MYRIP: variants seen among roughly 807,000 people sequenced by gnomAD.
The protein encoded by MYRIP is rab effector MyRIP.
In MYRIP, 49 loss-of-function variants were observed where a neutral mutation model predicts 98.0. The observed-to-expected ratio is 0.50, with a 90% CI of 0.40 to 0.63. The LOEUF is 0.63. MYRIP is among the 30% of genes least tolerant of loss of function. The pLI, the probability that MYRIP is intolerant of heterozygous loss-of-function variation, is 0.00. For synonymous variants in MYRIP, 404 were observed against 409.5 expected (o/e 0.99, Z 0.16); for missense variants, 1,004 against 1,058.2 (o/e 0.95, Z 0.71).
intron 3 of MYRIP, among the ~76,000 whole-genome samples, chr3:40,086,573 G>A (rs1389571834): frequency 6.6e-6 from 1 of 152,098 alleles, no homozygotes; most frequent in African/African-American, 2.4e-5. Flanking sequence ...GGCTTTCCTG[G>A]CTGCTTAGAC....
chr3:40,006,443 T>G (rs1946637213), intron 2 of MYRIP, among the ~76,000 whole-genome samples: 1 of 152,090 alleles, frequency 6.6e-6, no homozygotes, highest in African/African-American at 2.4e-5. Context: ...AGTGTTGAAT[T>G]AGAGGAGTGA....
At chr3:40,231,117 G>A (rs1404098351) in intron 11 of MYRIP, among the ~76,000 whole-genome samples, 2 of 152,158 alleles carry the variant, frequency 1.3e-5, no homozygotes, top group Non-Finnish European at 1.5e-5. Flanking sequence ...GAGCCACCAC[G>A]CCCAGCCCGT....
intron 1 of MYRIP, among the ~76,000 whole-genome samples, chr3:39,882,436 G>A (rs1215130390): frequency 6.6e-6 from 1 of 152,056 alleles, no homozygotes; most frequent in Non-Finnish European, 1.5e-5. Flanking sequence ...TCAAAATAGA[G>A]ATTTAGAACC....
At chr3:39,871,295 A>T (rs1397310277) in intron 1 of MYRIP, among the ~76,000 whole-genome samples, 1 of 152,234 alleles carries the variant, frequency 6.6e-6, no homozygotes, top group Non-Finnish European at 1.5e-5. Context: ...GCAATTTGGA[A>T]TGCCAGTCAC....
intron 2 of MYRIP, among the ~76,000 whole-genome samples, chr3:39,989,817 G>A (rs1946127930): frequency 6.6e-6 from 1 of 152,254 alleles, no homozygotes; most frequent in Admixed American, 6.5e-5. Flanking sequence ...GTGTTGGACT[G>A]TGGGGGATAC....
Position 40,256,619 on chromosome 3 carries a change from T to A in MYRIP, c.2548-1515T>A, listed in dbSNP as rs375521016. Reference sequence around the variant, plus strand: ...TCAATTTTTTATATATACAATGTGATGTAAAACTATTCTGATAAATTTAGA... The same window carrying A: ...TCAATTTTTTATATATACAATGTGAAGTAAAACTATTCTGATAAATTTAGA... On this transcript the variant is annotated intron_variant, in intron 16 of 16. Transcript: ENST00000302541. Among the ~76,000 whole-genome samples, 27 of 152,020 alleles carry A rather than the reference T, an allele frequency of 1.8e-4. No individual in the cohort carries two copies. In the East Asian group the frequency reaches 2.5e-3, roughly 14 times the overall value.
intron 2 of MYRIP, among the ~76,000 whole-genome samples, chr3:39,960,917 CAGACAGGA>C (rs1945308019): frequency 6.6e-6 from 1 of 152,134 alleles, no homozygotes; most frequent in South Asian, 2.1e-4. Flanking sequence ...TTGTGCTGTG[CAGACAGGA>C]ACCTCATGGT....
At chr3:40,217,602 A>AT (rs1321047626) in intron 11 of MYRIP, among the ~76,000 whole-genome samples, 2 of 152,212 alleles carry the variant, frequency 1.3e-5, no homozygotes, top group African/African-American at 4.8e-5. Flanking sequence ...AAGTAGGAAG[A>AT]TAAAAACTCA....
At chr3:40,209,509 C>T (rs1296894904) in intron 10 of MYRIP, among the ~76,000 whole-genome samples, 1 of 151,984 alleles carries the variant, frequency 6.6e-6, no homozygotes, top group Non-Finnish European at 1.5e-5. Flanking sequence ...GTGTCTCATT[C>T]ATTACAGGGC....
intron 3 of MYRIP, among the ~76,000 whole-genome samples, chr3:40,065,937 T>A (rs1267223576): frequency 1.3e-5 from 2 of 152,208 alleles, no homozygotes; most frequent in South Asian, 2.1e-4. Flanking sequence ...ACCAACTGTT[T>A]TAGGTGGGGC....
chr3:40,053,930 C>T (rs1428224574), intron 3 of MYRIP, among the ~76,000 whole-genome samples: 1 of 152,178 alleles, frequency 6.6e-6, no homozygotes, highest in Non-Finnish European at 1.5e-5. Flanking sequence ...CAGACCTGAA[C>T]AGGGGAGTAA....
At chr3:39,934,623 G>T (rs1036190179) in intron 2 of MYRIP, among the ~76,000 whole-genome samples, 26 of 152,202 alleles carry the variant, frequency 1.7e-4, no homozygotes, top group African/African-American at 2.4e-5. Flanking sequence ...TTCAGGATCT[G>T]ATGAGAAGCT....
intron 1 of MYRIP, among the ~76,000 whole-genome samples, chr3:39,868,405 C>T (rs1398735652): frequency 6.6e-5 from 10 of 152,052 alleles, no homozygotes; most frequent in Non-Finnish European, 1.5e-4. Context: ...TTTCTTTTCT[C>T]CTGCAACACC....
intron 3 of MYRIP, among the ~76,000 whole-genome samples, chr3:40,089,551 G>A (rs1441673234): frequency 6.6e-6 from 1 of 152,172 alleles, no homozygotes; most frequent in African/African-American, 2.4e-5. Flanking sequence ...GATAGGCTGT[G>A]CCTAAATGCT....
At chr3:39,939,650 C>A (rs1035755372) in intron 2 of MYRIP, among the ~76,000 whole-genome samples, 3 of 152,104 alleles carry the variant, frequency 2.0e-5, no homozygotes, top group Non-Finnish European at 2.9e-5. Context: ...AAATGTATAA[C>A]TTCTAAAGAG....
intron 1 of MYRIP, among the ~76,000 whole-genome samples, chr3:39,812,976 G>T (rs1385712968): frequency 6.6e-6 from 1 of 152,250 alleles, no homozygotes; most frequent in Non-Finnish European, 1.5e-5. Context: ...GCAGGTGCTT[G>T]TTGGAGGGAG....
chr3:39,873,360 A>G (rs533488179), intron 1 of MYRIP, among the ~76,000 whole-genome samples: 7 of 152,204 alleles, frequency 4.6e-5, no homozygotes, highest in Non-Finnish European at 1.0e-4. Flanking sequence ...CCATTTGTCA[A>G]TTTTGGCTTT....
chr3:40,133,994 G>A (rs1455325115), intron 3 of MYRIP, among the ~76,000 whole-genome samples: 18 of 152,188 alleles, frequency 1.2e-4, no homozygotes, highest in Admixed American at 1.2e-3. Flanking sequence ...TCCAACTGAG[G>A]TACTGGGTTC....
chr3:40,044,357 A>C, intron 3 of MYRIP, 86 bp downstream of exon 3: 1 of 1,326,750 alleles, frequency 7.5e-7, no homozygotes, highest in Non-Finnish European at 1.1e-6. Flanking sequence ...AGAACCAGCT[A>C]TGATTGGTAG....
Sources: allele counts gnomAD v4.1 joint callset (sites outside exome capture counted in the v4.1 genomes callset), GRCh38; gene constraint gnomAD v4.1.1; transcripts MANE v1.5; gene names NCBI Gene and HGNC (gene_info 2026-07-23, HGNC 2026-07-21).